The following FGD6 variants were observed in gnomAD, a reference collection of about 807,000 sequenced individuals.
The protein encoded by FGD6 is FYVE, RhoGEF and PH domain containing 6.
Under a neutral mutation model 149.4 loss-of-function variants are expected in FGD6, and 90 were observed. That is an observed-to-expected ratio of 0.60 (90% CI 0.51 to 0.72). FGD6 has a LOEUF of 0.72. Ranked by LOEUF, FGD6 falls within the 30% of genes least tolerant of loss-of-function variation. The pLI, the probability that FGD6 is intolerant of heterozygous loss-of-function variation, is 0.00. For missense variants in FGD6, 1,437 were observed against 1,684.8 expected, an observed-to-expected ratio of 0.85 and a Z score of 2.57; for synonymous variants, 527 against 584.0, an observed-to-expected ratio of 0.90 and a Z score of 1.41.
intron 8 of FGD6, among the ~76,000 whole-genome samples, chr12:95,119,713 C>T (rs961006088): frequency 5.9e-5 from 9 of 152,096 alleles, no homozygotes; most frequent in South Asian, 2.1e-4. Context: ...GGCAGATCAC[C>T]GGAGGTCAGG....
rs913553041 is a variant in FGD6 at position 95,081,374 on chromosome 12, T to C, written c.*146A>G. On this transcript the variant is annotated 3_prime_UTR_variant, in exon 21 of 21. Coordinates refer to ENST00000343958, the MANE Select transcript of FGD6 (RefSeq NM_018351.4). The stretch of plus-strand genomic sequence containing the variant: ...ACAAACACCTTTTAAAAATTGCTTA[T>C]ACCTAACAAAACAATTTCTTTGATG... 57 of 489,212 alleles carry C rather than the reference T, an allele frequency of 1.2e-4. No homozygotes were observed. The highest frequency in any genetic ancestry group is 4.1e-5 in the Admixed American group (1 of 24,180). 30.3% of individuals were successfully genotyped at this position (489,212 alleles called of 1,614,324 possible).
intron 11 of FGD6, among the ~76,000 whole-genome samples, chr12:95,108,129 C>T (rs1002444884): frequency 1.8e-4 from 27 of 152,082 alleles, no homozygotes; most frequent in African/African-American, 5.1e-4. Context: ...GGTCCCTTGC[C>T]GCTCCCCTAA....
intron 5 of FGD6, 39 bp from the exon 6 acceptor site, chr12:95,141,578 T>G: frequency 6.3e-7 from 1 of 1,597,720 alleles, no homozygotes; most frequent in Non-Finnish European, 8.5e-7. Context: ...TACACACACA[T>G]GTAACTTGAT....
chr12:95,164,030 T>C (rs1880721557), intron 3 of FGD6, among the ~76,000 whole-genome samples: 4 of 152,204 alleles, frequency 2.6e-5, no homozygotes, highest in Non-Finnish European at 5.9e-5. Flanking sequence ...TTAAATTACA[T>C]TGCATTTCAA....
At chr12:95,189,952 T>G (rs1374716437) in intron 2 of FGD6, among the ~76,000 whole-genome samples, 1 of 152,212 alleles carries the variant, frequency 6.6e-6, no homozygotes, top group African/African-American at 2.4e-5. Context: ...TAACTTTCAT[T>G]GTAAAAGTTC....
intron 12 of FGD6, 130 bp from the exon 13 acceptor site, chr12:95,107,167 T>G: frequency 1.5e-6 from 1 of 671,858 alleles, no homozygotes; most frequent in Non-Finnish European, 2.6e-6. Flanking sequence ...AATACTTATA[T>G]TCTGCTATAT....
At position 95,078,833 on chromosome 12, in the gene FGD6, T is replaced by C. The variant is rs565900705; in HGVS notation, c.*2687A>G. 4.6e-5 allele frequency: 7 copies of C among 152,340 alleles called. No homozygotes were observed. The highest frequency in any genetic ancestry group is 2.1e-4 in the South Asian group (1 of 4,826). 9.4% of individuals were successfully genotyped at this position (152,340 alleles called of 1,614,324 possible). A position where few individuals can be genotyped will look rare whatever the true frequency, so the allele number is the denominator to read the frequency against. On this transcript the variant is annotated 3_prime_UTR_variant, in exon 21 of 21. Coordinates refer to ENST00000343958, the MANE Select transcript of FGD6 (RefSeq NM_018351.4). ...TCAGCCTGGCGTCTCATCTACGTTA[T>C]GCTTAGCATCATTTTTAGCTTAGCT...
At chr12:95,192,382 T>A (rs1240538420) in intron 2 of FGD6, among the ~76,000 whole-genome samples, 7 of 152,324 alleles carry the variant, frequency 4.6e-5, no homozygotes, top group African/African-American at 1.4e-4. Flanking sequence ...GTAGTTAAAA[T>A]CAATATAGTA....
At chr12:95,121,860 C>T (rs1263604346) in intron 8 of FGD6, among the ~76,000 whole-genome samples, 5 of 151,862 alleles carry the variant, frequency 3.3e-5, no homozygotes, top group Non-Finnish European at 4.4e-5. Flanking sequence ...TGTACCATGT[C>T]GGCCAGGCTG....
intron 8 of FGD6, among the ~76,000 whole-genome samples, chr12:95,133,693 T>C (rs533278375): frequency 8.2e-4 from 125 of 152,192 alleles, no homozygotes; most frequent in Non-Finnish European, 1.5e-3. Flanking sequence ...TTAATGCGTA[T>C]TATATATGCA....
At chr12:95,119,433 C>T (rs1879120067) in intron 8 of FGD6, among the ~76,000 whole-genome samples, 1 of 152,138 alleles carries the variant, frequency 6.6e-6, no homozygotes, top group African/African-American at 2.4e-5. Flanking sequence ...TAAAAACCAT[C>T]CTAGGGGTAT....
At chr12:95,168,401 C>T (rs1269230495) in intron 3 of FGD6, among the ~76,000 whole-genome samples, 9 of 152,310 alleles carry the variant, frequency 5.9e-5, no homozygotes, top group Non-Finnish European at 1.2e-4. Context: ...CGGTGGATCA[C>T]GCCTGTAATC....
chr12:95,196,666 G>T (rs1286953953), intron 2 of FGD6, among the ~76,000 whole-genome samples: 3 of 151,212 alleles, frequency 2.0e-5, no homozygotes, highest in Non-Finnish European at 4.4e-5. Context: ...TTGAAACAGG[G>T]TCTTGCTCTG....
At chr12:95,215,858 T>A (rs898814271) in intron 1 of FGD6, among the ~76,000 whole-genome samples, 2 of 152,206 alleles carry the variant, frequency 1.3e-5, no homozygotes, top group African/African-American at 4.8e-5. Flanking sequence ...TAAATACATT[T>A]GACACCTCCA....
intron 5 of FGD6, among the ~76,000 whole-genome samples, chr12:95,148,718 T>C (rs1465000998): frequency 7.5e-5 from 7 of 93,092 alleles, no homozygotes; most frequent in African/African-American, 1.4e-4. Context: ...ACATAGCATA[T>C]GTTATATTAC....
chr12:95,185,395 A>C (rs1252258213), intron 2 of FGD6, among the ~76,000 whole-genome samples: 2 of 152,212 alleles, frequency 1.3e-5, no homozygotes, highest in East Asian at 3.8e-4. Flanking sequence ...ACAGGATCAC[A>C]AACATTTATC....
chr12:95,096,575 C>T (rs1878239135), intron 14 of FGD6, among the ~76,000 whole-genome samples: 1 of 152,224 alleles, frequency 6.6e-6, no homozygotes, highest in Non-Finnish European at 1.5e-5. Flanking sequence ...CGTCAGCCAA[C>T]TCTGCTAAAT....
chr12:95,210,319 G>T lies in FGD6; in HGVS notation c.965C>A (p.Thr322Asn), dbSNP rs747639998. 1 of 1,613,980 alleles carries T rather than the reference G, an allele frequency of 6.2e-7. No homozygotes were observed. Among genetic ancestry groups the T allele is most frequent in the South Asian group, 1.1e-5 (1 of 91,036 alleles). Reference sequence around the variant, plus strand: ...ACACTTTTGGCGTAACAGACGAGCAGTTCGTGTCTTTCTGGGCTTGGGAGT... The same window carrying T: ...ACACTTTTGGCGTAACAGACGAGCATTTCGTGTCTTTCTGGGCTTGGGAGT... ...FPTPKPRKTR[T>N]ARLLRQKCVD... Residue 322 changes from threonine (T) to asparagine (N), a missense_variant, in exon 2 of 21, where the codon ACT (threonine) becomes AAT (asparagine). Coordinates refer to ENST00000343958, the MANE Select transcript of FGD6 (RefSeq NM_018351.4).
intron 5 of FGD6, among the ~76,000 whole-genome samples, chr12:95,146,281 T>TA (rs1880014982): frequency 6.6e-6 from 1 of 152,214 alleles, no homozygotes; most frequent in African/African-American, 2.4e-5. Flanking sequence ...ATCTTTTTTT[T>TA]ATAAAAGGAT....
Sources: allele counts gnomAD v4.1 joint callset (sites outside exome capture counted in the v4.1 genomes callset), GRCh38; gene constraint gnomAD v4.1.1; transcripts MANE v1.5; gene names NCBI Gene and HGNC (gene_info 2026-07-23, HGNC 2026-07-21).